Variants in DUSP4 observed in about 807,000 individuals in gnomAD.
DUSP4 encodes the protein dual specificity protein phosphatase 4.
In DUSP4, 12 loss-of-function variants were observed where a neutral mutation model predicts 27.2. The ratio of observed to expected loss-of-function variants is 0.44; its 90% confidence interval spans 0.28 to 0.71. DUSP4 has a LOEUF of 0.71. Ranked by LOEUF, DUSP4 falls within the 30% of genes least tolerant of loss-of-function variation. DUSP4 has a pLI of 0.14. For missense variants in DUSP4, 448 were observed against 551.3 expected (o/e 0.81, Z 1.88); for synonymous variants, 257 against 245.2 (o/e 1.05, Z -0.45).
intron 1 of DUSP4, chr8:29,346,174 C>T (rs1817732511): frequency 1.4e-6 from 1 of 704,500 alleles, no homozygotes; most frequent in Non-Finnish European, 1.7e-6. Context: ...TGACTGTTTT[C>T]TACAGAAAGG....
rs532100757 is a variant in DUSP4, at chr8:29,348,795, G to T, written c.433+1051C>A. On this transcript the variant is annotated intron_variant, in intron 1 of 3. Transcript: ENST00000240100. Reference sequence around the variant, plus strand: ...GCGGCTCTTTGATGGGTGTGGGGGGGTCTGAACTGCCTACCGGGCTCGGAA... The same window carrying T: ...GCGGCTCTTTGATGGGTGTGGGGGGTTCTGAACTGCCTACCGGGCTCGGAA... The T allele has an allele frequency of 3.8e-5, 37 of 984,090 alleles. 1 individual carries two copies. In the East Asian group the frequency reaches 1.4e-3, roughly 36 times the overall value. 61.0% of individuals were successfully genotyped at this position (984,090 alleles called of 1,614,324 possible).
rs1211748705 is a variant in DUSP4 at position 29,337,321 on chromosome 8, A to G, written c.890T>C (p.Met297Thr). Residue 297 changes from methionine to threonine, a missense_variant, in exon 4 of 4, where the codon ATG (methionine) becomes ACG (threonine). This residue lies in a region of DUSP4 where 100 missense variants were observed against 139.8 expected (regional missense o/e 0.72). Coordinates refer to ENST00000240100, the MANE Select transcript of DUSP4 (RefSeq NM_001394.7). The surrounding 1 kb of genome is among the most constrained non-coding windows in gnomAD (Gnocchi z 6.4). ...CTCCTCCAGCCTCACCCGTTTCTTC[A>G]TCATCAGGTAGGCCAGGCAGATGGT... is the stretch of plus-strand genomic sequence containing the variant. ...SATICLAYLM[M>T]KKRVRLEEAF... 1.9e-6 allele frequency: 3 copies of G among 1,612,670 alleles called. No homozygotes were observed. In the African/African-American group the frequency reaches 4.0e-5, roughly 22 times the overall value.
Position 29,340,157 on chromosome 8 carries a change from T to TG in DUSP4, c.519dup (p.Ser174GlnfsTer64), listed in dbSNP as rs1371325152. The TG allele has an allele frequency of 6.2e-7, 1 of 1,610,404 alleles. No homozygotes were observed. Among genetic ancestry groups the TG allele is most frequent in the Non-Finnish European group, 8.5e-7 (1 of 1,178,342 alleles). Reference sequence around the variant, plus strand: ...CCCAGGTCCAAGGGCTCTGTGGCACTGGGGGGAACCGGGGGTGGGATGGCT... The same window carrying TG: ...CCCAGGTCCAAGGGCTCTGTGGCACTGGGGGGGAACCGGGGGTGGGATGGCT... On this transcript the variant is annotated frameshift_variant, in exon 2 of 4. Coordinates refer to ENST00000240100, the MANE Select transcript of DUSP4 (RefSeq NM_001394.7). LOFTEE classifies it high-confidence loss of function.
At chr8:29,345,364 TC>T (rs1213631564) in intron 1 of DUSP4, 2 of 1,613,730 alleles carry the variant, frequency 1.2e-6, no homozygotes, top group African/African-American at 2.7e-5. Flanking sequence ...TAAGTGAACT[TC>T]TCACCTTGAG....
In DUSP4 at chr8:29,340,104, G is replaced by C; in HGVS notation, c.573C>G (p.His191Gln). ...CCCTGCCCCCCGAGTCTACCTGGTC[G>C]TGTAGTGGGGTCCCACAGGAGCTGC... ...LGCSSCGTPL[H>Q]DQGGPVEILP... The change falls in exon 2 of 4, where the codon CAC (histidine) becomes CAG (glutamine). Residue 191 changes from histidine to glutamine, a missense_variant. By Grantham distance (24) the His-to-Gln change is conservative (BLOSUM62 0). Around this residue, in one of 3 missense-constraint regions of DUSP4, gnomAD observed 345 missense variants for 394.0 expected, o/e 0.88. Coordinates refer to ENST00000240100, the MANE Select transcript of DUSP4 (RefSeq NM_001394.7). 1 of 1,571,426 alleles carries C rather than the reference G, an allele frequency of 6.4e-7. No individual in the cohort carries two copies. Among genetic ancestry groups the C allele is most frequent in the Non-Finnish European group, 8.6e-7 (1 of 1,158,038 alleles).
rs1817568482 is a variant in DUSP4, at chr8:29,336,090, T to C, written c.*936A>G. The C allele has an allele frequency of 6.6e-6, 1 of 152,152 alleles. No homozygotes were observed. Among genetic ancestry groups the C allele is most frequent in the African/African-American group, 2.4e-5 (1 of 41,428 alleles). The allele number at this position is 152,152 out of a possible 1,614,324, so 9.4% of individuals were successfully genotyped here. ...AGTGAGATGCTGTCTTTTTTTTTCT[T>C]TTCTTTTTTTTTAAAAAAGCAATTC... On this transcript the variant is annotated 3_prime_UTR_variant, in exon 4 of 4. Transcript: ENST00000240100.
chr8:29,342,426 A>G (rs1817668160), intron 1 of DUSP4, among the ~76,000 whole-genome samples: 2 of 152,046 alleles, frequency 1.3e-5, no homozygotes, highest in South Asian at 4.2e-4. Context: ...GAGACAGATC[A>G]TGAAGTTTTC....
chr8:29,350,343 G>T lies in DUSP4; in HGVS notation c.-65C>A. ...GAAGAGAACCCGGGCCGCCTAGGCT[G>T]CAGAAAGGGGCGGGCGAGAGCTAAG... On this transcript the variant is annotated 5_prime_UTR_variant, in exon 1 of 4. Coordinates refer to ENST00000240100, the MANE Select transcript of DUSP4 (RefSeq NM_001394.7). 5 of 1,495,896 alleles carry T rather than the reference G, an allele frequency of 3.3e-6. No individual in the cohort carries two copies. Among genetic ancestry groups the T allele is most frequent in the Non-Finnish European group, 3.5e-6 (4 of 1,127,570 alleles). The allele number at this position is 1,495,896 out of a possible 1,614,324, so 92.7% of individuals were successfully genotyped here. A position where few individuals can be genotyped will look rare whatever the true frequency, so the allele number is the denominator to read the frequency against.
Position 29,350,589 on chromosome 8 carries a change from C to T in DUSP4, c.-311G>A, listed in dbSNP as rs1383405162. ...GCGGACTCTTTTCGGCGACGGCCTC[C>T]CGTGTATTTTTGCCGGTCGCGCGGC... On this transcript the variant is annotated 5_prime_UTR_variant, in exon 1 of 4. Transcript: ENST00000240100. The T allele has an allele frequency of 5.9e-6, 2 of 339,308 alleles. No individual in the cohort carries two copies. Among genetic ancestry groups the T allele is most frequent in the African/African-American group, 2.1e-5 (1 of 46,772 alleles). The allele number at this position is 339,308 out of a possible 1,614,324, so 21.0% of individuals were successfully genotyped here. A position where few individuals can be genotyped will look rare whatever the true frequency, so the allele number is the denominator to read the frequency against.
chr8:29,348,976 G>T (rs1817781688), intron 1 of DUSP4, among the ~76,000 whole-genome samples: 2 of 152,188 alleles, frequency 1.3e-5, no homozygotes, highest in Admixed American at 1.3e-4. Flanking sequence ...CGGGCGCCAG[G>T]TCCCTCCAGG....
chr8:29,349,837 C>T lies in DUSP4; in HGVS notation c.433+9G>A, dbSNP rs1817795447. Reference sequence around the variant, plus strand: ...CCGACTCCAGCTAGCGCCCGGAGCCCTCGTTTACCTTTGAGCAGGCAGATG... The same window carrying T: ...CCGACTCCAGCTAGCGCCCGGAGCCTTCGTTTACCTTTGAGCAGGCAGATG... On this transcript the variant is annotated intron_variant, in intron 1 of 3. Coordinates refer to ENST00000240100, the MANE Select transcript of DUSP4 (RefSeq NM_001394.7). 4 of 1,482,672 alleles carry T rather than the reference C, an allele frequency of 2.7e-6. No individual in the cohort carries two copies. Among genetic ancestry groups the T allele is most frequent in the Non-Finnish European group, 3.6e-6 (4 of 1,124,156 alleles). 91.8% of individuals were successfully genotyped at this position (1,482,672 alleles called of 1,614,324 possible).
In DUSP4 at chr8:29,350,456, G is replaced by A; in HGVS notation, c.-178C>T. On this transcript the variant is annotated 5_prime_UTR_variant, in exon 1 of 4. Coordinates refer to ENST00000240100, the MANE Select transcript of DUSP4 (RefSeq NM_001394.7). ...TCTTCCCTGTCCCCTTCCTCCCGCA[G>A]CCTCGCGGTCACATAGCAGTCGGAG... The A allele has an allele frequency of 1.3e-6, 1 of 773,722 alleles. No homozygotes were observed. Among genetic ancestry groups the A allele is most frequent in the Admixed American group, 3.2e-5 (1 of 31,250 alleles). The allele number at this position is 773,722 out of a possible 1,614,324, so 47.9% of individuals were successfully genotyped here.
rs577723196 is a variant in DUSP4 at position 29,334,835 on chromosome 8, G to T, written c.*2191C>A. ...GCTTCACCCTGAACTGTTATTTCTA[G>T]AGGAAGCAGGGAGCCTCTGGCTCTT... On this transcript the variant is annotated 3_prime_UTR_variant, in exon 4 of 4. Transcript: ENST00000240100. The T allele has an allele frequency of 1.3e-5, 2 of 152,318 alleles. No individual in the cohort carries two copies. Among genetic ancestry groups the T allele is most frequent in the East Asian group, 3.9e-4 (2 of 5,188 alleles). 9.4% of individuals were successfully genotyped at this position (152,318 alleles called of 1,614,324 possible). A position where few individuals can be genotyped will look rare whatever the true frequency, so the allele number is the denominator to read the frequency against.
chr8:29,346,032 T>C lies in DUSP4; in HGVS notation c.433+3814A>G, dbSNP rs542790141. The C allele has an allele frequency of 1.0e-4, 101 of 985,376 alleles. No individual in the cohort carries two copies. The African/African-American group carries it at 1.7e-3, about 17-fold the overall frequency. The allele number at this position is 985,376 out of a possible 1,614,324, so 61.0% of individuals were successfully genotyped here. A position where few individuals can be genotyped will look rare whatever the true frequency, so the allele number is the denominator to read the frequency against. ...CCCAGAGCTGTGCTGTTTGATGCCA[T>C]TGCCCTCCTGGGGAACTGAAGACAG... On this transcript the variant is annotated intron_variant, in intron 1 of 3. Coordinates refer to ENST00000240100, the MANE Select transcript of DUSP4 (RefSeq NM_001394.7).
At position 29,350,123 on chromosome 8, in the gene DUSP4, C is replaced by T. The variant is rs187255121; in HGVS notation, c.156G>A (p.Pro52=). The T allele has an allele frequency of 4.3e-6, 7 of 1,609,262 alleles. No homozygotes were observed. The African/African-American group carries it at 5.3e-5, about 12-fold the overall frequency. Reference sequence around the variant, plus strand: ...TGTAGCCCGCGCTGTGCGCCAGGAACGGTCTGCAGTCCAGCAGCAGGCACT... The same window carrying T: ...TGTAGCCCGCGCTGTGCGCCAGGAATGGTCTGCAGTCCAGCAGCAGGCACT... ...GGKCLLLDCR[P]FLAHSAGYIL... Residue 52 remains proline, a synonymous_variant, in exon 1 of 4, where the codon CCG becomes CCA. Coordinates refer to ENST00000240100, the MANE Select transcript of DUSP4 (RefSeq NM_001394.7).
chr8:29,339,973 G>T, intron 2 of DUSP4, 125 bp downstream of exon 2: 1 of 1,302,264 alleles, frequency 7.7e-7, no homozygotes, highest in Non-Finnish European at 1.0e-6. Context: ...GCACTCCTGG[G>T]TGACAGAGCA....
chr8:29,347,868 G>C lies in DUSP4; in HGVS notation c.433+1978C>G, dbSNP rs542594510. On this transcript the variant is annotated intron_variant, in intron 1 of 3. Transcript: ENST00000240100. ...TCGAATCGGTCTGGCTGGGGAAATG[G>C]AGGAGGTTGGGGAGGGAGGACTCTC... is the stretch of plus-strand genomic sequence containing the variant. The C allele has an allele frequency of 2.9e-5, 29 of 985,682 alleles. No individual in the cohort carries two copies. In the African/African-American group the frequency reaches 5.1e-4, roughly 17 times the overall value. 61.1% of individuals were successfully genotyped at this position (985,682 alleles called of 1,614,324 possible). A position where few individuals can be genotyped will look rare whatever the true frequency, so the allele number is the denominator to read the frequency against.
At chr8:29,340,466 A>C (rs529232490) in intron 1 of DUSP4, among the ~76,000 whole-genome samples, 11 of 152,310 alleles carry the variant, frequency 7.2e-5, no homozygotes, top group Admixed American at 3.9e-4. Context: ...TGGAAGGATA[A>C]GCTTTATGGA....
At chr8:29,343,109 A>G (rs1050031617) in intron 1 of DUSP4, among the ~76,000 whole-genome samples, 1 of 144,498 alleles carries the variant, frequency 6.9e-6, no homozygotes, top group East Asian at 2.2e-4. Flanking sequence ...CGGAGGTTGC[A>G]GTGAGCCGAG....
Sources: gnomAD v4.1 joint callset for allele counts (sites outside exome capture counted in the v4.1 genomes callset) on GRCh38, gnomAD v4.1.1 for gene constraint, gnomAD v4.1.1 regional missense constraint, Gnocchi (gnomAD v3.1) non-coding constraint, MANE v1.5 for transcripts, NCBI Gene and HGNC (gene_info 2026-07-23, HGNC 2026-07-21) for gene names.